SIPA1L2: variants seen among roughly 807,000 people sequenced by gnomAD.
The protein encoded by SIPA1L2 is signal-induced proliferation-associated 1-like protein 2.
SIPA1L2 carries 56 observed loss-of-function variants against 163.9 expected under a neutral mutation model. The observed-to-expected ratio is 0.34, with a 90% CI of 0.28 to 0.43. The LOEUF (loss-of-function observed/expected upper bound fraction) is 0.43, where lower values mean the gene tolerates loss of function less well. Among genes scored for constraint, SIPA1L2 ranks in the 20% least tolerant of loss-of-function variants. The pLI, the probability that SIPA1L2 is intolerant of heterozygous loss-of-function variation, is 1.00. For synonymous variants in SIPA1L2, 877 were observed against 865.7 expected, an observed-to-expected ratio of 1.01 and a Z score of -0.23; for missense variants, 1,974 against 2,193.5, an observed-to-expected ratio of 0.90 and a Z score of 2.00.
rs186228917 is a variant in SIPA1L2, at chr1:232,411,871, T to C, written c.4762+3623A>G. 3.9e-5 allele frequency among the ~76,000 whole-genome samples: 6 copies of C among 152,338 alleles called. No homozygotes were observed. In the Middle Eastern group the frequency reaches 0.01, roughly 259 times the overall value. ...ACAGTAACATTTACAACTTTCTAAG[T>C]GGTCAGATTTTTGTGTTTTGCTTCT... is the stretch of plus-strand genomic sequence containing the variant. On this transcript the variant is annotated intron_variant, in intron 19 of 22. Transcript: ENST00000674635.
At chr1:232,502,013 G>A (rs914537258) in intron 3 of SIPA1L2, among the ~76,000 whole-genome samples, 1 of 152,212 alleles carries the variant, frequency 6.6e-6, no homozygotes, top group Non-Finnish European at 1.5e-5. Flanking sequence ...TTCTGGAAGG[G>A]GAAGAGATAA....
intron 4 of SIPA1L2, 64 bp from the exon 5 acceptor site, chr1:232,491,126 CTGTT>C (rs1354482675): frequency 3.9e-5 from 56 of 1,437,832 alleles, no homozygotes; most frequent in African/African-American, 1.4e-5. Flanking sequence ...CACAGCCTAA[CTGTT>C]TGGCTGCCTT....
At chr1:232,548,624 C>G (rs1231396795) in intron 2 of SIPA1L2, among the ~76,000 whole-genome samples, 1 of 152,118 alleles carries the variant, frequency 6.6e-6, no homozygotes, top group African/African-American at 2.4e-5. Flanking sequence ...TATACTAACG[C>G]CCCTACCTGA....
In SIPA1L2 at chr1:232,423,599, A is replaced by G. The variant is rs112997344; in HGVS notation, c.4630+1990T>C. Among the ~76,000 whole-genome samples, 229 of 152,336 alleles carry G rather than the reference A, an allele frequency of 1.5e-3. 3 individuals carry two copies. Among genetic ancestry groups the G allele is most frequent in the African/African-American group, 5.2e-3 (218 of 41,574 alleles). The stretch of plus-strand genomic sequence containing the variant: ...AAGAAGGTTTCTTTAAAGAGAGCAA[A>G]TGGCAAGGAAAACTCTTAGTGCTTT... On this transcript the variant is annotated intron_variant, in intron 18 of 22. Transcript: ENST00000674635.
chr1:232,547,632 A>G (rs1197657695), intron 2 of SIPA1L2, among the ~76,000 whole-genome samples: 1 of 152,062 alleles, frequency 6.6e-6, no homozygotes, highest in Non-Finnish European at 1.5e-5. Flanking sequence ...AAAAGTAAAA[A>G]GTTTGAAAAT....
At chr1:232,434,449 C>T (rs1662431189) in intron 15 of SIPA1L2, among the ~76,000 whole-genome samples, 1 of 152,102 alleles carries the variant, frequency 6.6e-6, no homozygotes, top group African/African-American at 2.4e-5. Flanking sequence ...TGACTGATGG[C>T]TCCCTCTCTC....
chr1:232,617,511 T>C (rs1318018069), intron 1 of SIPA1L2, among the ~76,000 whole-genome samples: 1 of 152,212 alleles, frequency 6.6e-6, no homozygotes, highest in Non-Finnish European at 1.5e-5. Flanking sequence ...TGTGGTCATA[T>C]AAAGTATACA....
At position 232,445,613 on chromosome 1, in the gene SIPA1L2, A is replaced by G. The variant is rs1203525495; in HGVS notation, c.3269T>C (p.Leu1090Pro). ...ASPIPGTPDR[L>P]PCQQLLQQAQ... Reference sequence around the variant, plus strand: ...CTGCTGGAGCAGCTGTTGGCACGGCAGCCGGTCGGGCGTGCCGGGGATGGG... The same window carrying G: ...CTGCTGGAGCAGCTGTTGGCACGGCGGCCGGTCGGGCGTGCCGGGGATGGG... Residue 1090 changes from leucine to proline, a missense_variant, in exon 11 of 23, where the codon CTG becomes CCG. By Grantham distance (98) the Leu-to-Pro change is moderately conservative. Coordinates refer to ENST00000674635, the MANE Select transcript of SIPA1L2 (RefSeq NM_020808.5). The G allele has an allele frequency of 1.2e-6, 2 of 1,613,922 alleles. No homozygotes were observed. The highest frequency in any genetic ancestry group is 2.2e-5 in the South Asian group (2 of 91,066).
At chr1:232,545,352 T>C (rs1175306014) in intron 2 of SIPA1L2, among the ~76,000 whole-genome samples, 2 of 152,314 alleles carry the variant, frequency 1.3e-5, no homozygotes, top group East Asian at 3.9e-4. Flanking sequence ...GCTTAAAACT[T>C]TGAATTCAAG....
chr1:232,415,552 C>T lies in SIPA1L2; in HGVS notation c.4704G>A (p.Pro1568=), dbSNP rs376263236. Residue 1568 remains proline (P), a synonymous_variant, in exon 19 of 23, where the codon CCG becomes CCA. Transcript: ENST00000674635. The part of the protein sequence containing the change: ...KCADPGLMPL[P]DTATGLDWTH... ...TCCAATCTAACCCTGTGGCTGTGTC[C>T]GGGAGGGGCATCAGGCCAGGATCTG... is the stretch of plus-strand genomic sequence containing the variant. The T allele has an allele frequency of 3.7e-5, 59 of 1,613,706 alleles. No individual in the cohort carries two copies. The South Asian group carries it at 4.8e-4, about 13-fold the overall frequency.
intron 14 of SIPA1L2, among the ~76,000 whole-genome samples, chr1:232,440,928 C>T (rs559917965): frequency 2.0e-5 from 3 of 152,312 alleles, no homozygotes; most frequent in African/African-American, 7.2e-5. Flanking sequence ...TAAATGGCTA[C>T]CTATGGGCAG....
At position 232,497,575 on chromosome 1, in the gene SIPA1L2, C is replaced by T. The variant is rs192771131; in HGVS notation, c.1484-3915G>A. 6.6e-5 allele frequency among the ~76,000 whole-genome samples: 10 copies of T among 152,288 alleles called. No homozygotes were observed. The East Asian group carries it at 1.9e-3, about 29-fold the overall frequency. ...TATAGCTCCACTCAAGGTCTTGTTG[C>T]CAAATTCAACTATCTTCCAGGTCTC... On this transcript the variant is annotated intron_variant, in intron 3 of 22. Coordinates refer to ENST00000674635, the MANE Select transcript of SIPA1L2 (RefSeq NM_020808.5).
chr1:232,532,067 T>A (rs1248746743), intron 2 of SIPA1L2, among the ~76,000 whole-genome samples: 1 of 152,102 alleles, frequency 6.6e-6, no homozygotes, highest in Admixed American at 6.6e-5. Context: ...CCATTCTGTT[T>A]GCGGTGATGA....
chr1:232,579,009 G>C (rs1443075411), intron 1 of SIPA1L2, among the ~76,000 whole-genome samples: 1 of 152,202 alleles, frequency 6.6e-6, no homozygotes, highest in Non-Finnish European at 1.5e-5. Flanking sequence ...TGCCAAGTGT[G>C]AGGGGGAAAG....
chr1:232,424,597 G>A (rs2102809554), intron 18 of SIPA1L2, among the ~76,000 whole-genome samples: 1 of 152,292 alleles, frequency 6.6e-6, no homozygotes, highest in South Asian at 2.1e-4. Context: ...CTTTCACATG[G>A]TTGTCAAGAA....
Position 232,483,927 on chromosome 1 carries a change from C to T in SIPA1L2, c.1846G>A (p.Ala616Thr). The T allele has an allele frequency of 6.2e-7, 1 of 1,613,498 alleles. No individual in the cohort carries two copies. Among genetic ancestry groups the T allele is most frequent in the Non-Finnish European group, 8.5e-7 (1 of 1,179,854 alleles). The stretch of plus-strand genomic sequence containing the variant: ...ATCTCTTCCTCTGTGCTCTGGCCTG[C>T]TTTGCAATAAAGGATCCCGATCTTG... ...QHKIGILYCK[A>T]GQSTEEEMYN... is the part of the protein sequence containing the mutation. Residue 616 changes from alanine (A) to threonine (T), a missense_variant, in exon 6 of 23, where the codon GCA (alanine) becomes ACA (threonine). Ala to Thr is a moderately conservative substitution (Grantham distance 58). This residue lies in a region of SIPA1L2 where 288 missense variants were observed against 418.9 expected (regional missense o/e 0.69). Coordinates refer to ENST00000674635, the MANE Select transcript of SIPA1L2 (RefSeq NM_020808.5).
At chr1:232,490,202 T>C (rs1438039808) in intron 5 of SIPA1L2, among the ~76,000 whole-genome samples, 1 of 152,140 alleles carries the variant, frequency 6.6e-6, no homozygotes, top group African/African-American at 2.4e-5. Flanking sequence ...CTCTCTTCTC[T>C]TTGTAAAGAA....
chr1:232,447,493 T>G (rs1296234373), intron 10 of SIPA1L2, among the ~76,000 whole-genome samples: 1 of 152,188 alleles, frequency 6.6e-6, no homozygotes, highest in Non-Finnish European at 1.5e-5. Context: ...ATGGTACAAT[T>G]TAAAAAAGGT....
chr1:232,622,979 CA>C (rs1209549948), intron 1 of SIPA1L2, among the ~76,000 whole-genome samples: 1 of 152,178 alleles, frequency 6.6e-6, no homozygotes, highest in Non-Finnish European at 1.5e-5. Flanking sequence ...CACCTAAGTG[CA>C]GGGAATACAG....
Sources: gnomAD v4.1 joint callset for allele counts (sites outside exome capture counted in the v4.1 genomes callset) on GRCh38, gnomAD v4.1.1 for gene constraint, gnomAD v4.1.1 regional missense constraint, MANE v1.5 for transcripts, NCBI Gene and HGNC (gene_info 2026-07-23, HGNC 2026-07-21) for gene names.